The following ARHGAP27 variants were observed in gnomAD, a reference collection of about 807,000 sequenced individuals.
The protein encoded by ARHGAP27 is rho GTPase-activating protein 27.
ARHGAP27 carries 53 observed loss-of-function variants against 102.0 expected under a neutral mutation model. The observed-to-expected ratio is 0.52, with a 90% CI of 0.42 to 0.65. The LOEUF is 0.65. ARHGAP27 is among the 30% of genes least tolerant of loss of function. The pLI is 0.00. For synonymous variants in ARHGAP27, 525 were observed against 542.8 expected (o/e 0.97, Z 0.46); for missense variants, 1,117 against 1,256.2 (o/e 0.89, Z 1.68).
chr17:45,407,941 GGTTT>G (rs1411364826), intron 4 of ARHGAP27: 11 of 152,082 alleles, frequency 7.2e-5, no homozygotes, highest in African/African-American at 2.7e-4. Context: ...TGATTATAGG[GGTTT>G]GTTTTTGTTT....
chr17:45,431,228 G>T (rs946625686), intron 3 of ARHGAP27, among the ~76,000 whole-genome samples: 5 of 152,208 alleles, frequency 3.3e-5, no homozygotes, highest in African/African-American at 1.2e-4. Flanking sequence ...CCCCGCTCCC[G>T]CCCGGGCTTC....
Position 45,405,052 on chromosome 17 carries a change from C to T in ARHGAP27, c.1120G>A (p.Asp374Asn), listed in dbSNP as rs1555555739. 6.2e-7 allele frequency: 1 copy of T among 1,611,892 alleles called. No homozygotes were observed. The highest frequency in any genetic ancestry group is 1.1e-5 in the South Asian group (1 of 90,880). ...CCGAAAGAGCCCACGGGAGAATAGTCCTCCTCGGGGTAACTGGTCAGCGAC... is the reference window on the plus strand; with the variant it reads ...CCGAAAGAGCCCACGGGAGAATAGTTCTCCTCGGGGTAACTGGTCAGCGAC... ...PESLTSYPEE[D>N]YSPVGSFGEP... is the part of the protein sequence containing the mutation. Residue 374 changes from aspartate (D) to asparagine (N), a missense_variant, in exon 6 of 20, where the codon GAC (aspartate) becomes AAC (asparagine). Around this residue, in one of 3 missense-constraint regions of ARHGAP27, gnomAD observed 610 missense variants for 716.4 expected, o/e 0.85. Transcript: ENST00000685559.
chr17:45,400,941 A>G (rs1207178411), intron 12 of ARHGAP27, among the ~76,000 whole-genome samples: 1 of 151,622 alleles, frequency 6.6e-6, no homozygotes, highest in Non-Finnish European at 1.5e-5. Flanking sequence ...TCATAATCAT[A>G]ATCATAATAG....
At chr17:45,426,638 A>T (rs2145041049) in intron 4 of ARHGAP27, among the ~76,000 whole-genome samples, 1 of 149,632 alleles carries the variant, frequency 6.7e-6, no homozygotes, top group East Asian at 2.0e-4. Context: ...TTCTTCTGAG[A>T]TCCCTTCTCA....
Position 45,395,748 on chromosome 17 carries a change from A to G in ARHGAP27, c.2488T>C (p.Cys830Arg), listed in dbSNP as rs774967140. 141 of 1,595,332 alleles carry G rather than the reference A, an allele frequency of 8.8e-5. 1 individual carries two copies. The highest frequency in any genetic ancestry group is 1.2e-4 in the Non-Finnish European group (138 of 1,174,590). The stretch of plus-strand genomic sequence containing the variant: ...CGCGCGGGCCGCCCGGCTCACCGGC[A>G]GAGGTGCTGGAAGAGCATCCGCAGA... ...DTLRMLFQHL[C>R]RVIEHGEQNR... The change falls in exon 19 of 20, where the codon TGC (cysteine) becomes CGC (arginine). Residue 830 changes from cysteine (C) to arginine (R), a missense_variant. Cys to Arg is a radical substitution (Grantham distance 180). Around this residue, in one of 3 missense-constraint regions of ARHGAP27, gnomAD observed 493 missense variants for 505.5 expected, o/e 0.98. Coordinates refer to ENST00000685559, the MANE Select transcript of ARHGAP27 (RefSeq NM_001282290.2).
chr17:45,403,994 AC>A, intron 10 of ARHGAP27, 34 bp downstream of exon 10: 1 of 1,611,270 alleles, frequency 6.2e-7, no homozygotes, highest in South Asian at 1.1e-5. Context: ...ACCAAGGCCC[AC>A]CCTGCCCCGG....
Position 45,395,045 on chromosome 17 carries a change from A to T in ARHGAP27, c.*411T>A. The T allele has an allele frequency of 4.3e-6, 1 of 230,734 alleles. No homozygotes were observed. Among genetic ancestry groups the T allele is most frequent in the Non-Finnish European group, 8.6e-6 (1 of 116,258 alleles). 14.3% of individuals were successfully genotyped at this position (230,734 alleles called of 1,614,324 possible). ...CAGTGCCAGCACAGGGCCAGGGCCCACAGGGTCTCTGTGAAGGCCTCCACG... is the reference window on the plus strand; with the variant it reads ...CAGTGCCAGCACAGGGCCAGGGCCCTCAGGGTCTCTGTGAAGGCCTCCACG... On this transcript the variant is annotated 3_prime_UTR_variant, in exon 20 of 20. Coordinates refer to ENST00000685559, the MANE Select transcript of ARHGAP27 (RefSeq NM_001282290.2).
rs1258786568 is a variant in ARHGAP27, at chr17:45,429,870, G to A, written c.410C>T (p.Pro137Leu). Residue 137 changes from proline to leucine, a missense_variant, in exon 4 of 20, where the codon CCC becomes CTC. Physicochemically the swap from Pro to Leu is moderately conservative, Grantham distance 98 (BLOSUM62 -3). Coordinates refer to ENST00000685559, the MANE Select transcript of ARHGAP27 (RefSeq NM_001282290.2). Reference protein sequence around the residue: ...GAATQRSSLAPGLPACLYLRP... With the variant: ...GAATQRSSLALGLPACLYLRP... ...CAGGTACAGGCAGGCTGGCAGGCCG[G>A]GCGCCAGGCTGCTGCGCTGGGTCGC... 7.6e-7 allele frequency: 1 copy of A among 1,309,542 alleles called. No individual in the cohort carries two copies. The allele number at this position is 1,309,542 out of a possible 1,614,324, so 81.1% of individuals were successfully genotyped here.
chr17:45,405,662 G>T lies in ARHGAP27; in HGVS notation c.1065+14C>A. ...CTCAGAGGTAGAACCGCCCACTCTG[G>T]CCCTGCCCCTCACCCGCGGGTCCCC... On this transcript the variant is annotated intron_variant, in intron 5 of 19. Coordinates refer to ENST00000685559, the MANE Select transcript of ARHGAP27 (RefSeq NM_001282290.2). 6.4e-7 allele frequency: 1 copy of T among 1,574,784 alleles called. No homozygotes were observed. Among genetic ancestry groups the T allele is most frequent in the Non-Finnish European group, 8.6e-7 (1 of 1,164,510 alleles).
At chr17:45,412,729 C>A (rs1046697490) in intron 4 of ARHGAP27, among the ~76,000 whole-genome samples, 1 of 152,166 alleles carries the variant, frequency 6.6e-6, no homozygotes, top group Non-Finnish European at 1.5e-5. Context: ...CTTTAACCAT[C>A]CCGGCCTGGC....
intron 12 of ARHGAP27, among the ~76,000 whole-genome samples, chr17:45,401,389 A>T (rs1368563957): frequency 6.6e-6 from 1 of 152,232 alleles, no homozygotes; most frequent in Non-Finnish European, 1.5e-5. Flanking sequence ...ACAAGACTCC[A>T]GACCTACTCA....
At chr17:45,419,144 A>AACC (rs2048768749) in intron 4 of ARHGAP27, among the ~76,000 whole-genome samples, 22 of 152,224 alleles carry the variant, frequency 1.4e-4, no homozygotes, top group African/African-American at 5.1e-4. Context: ...GGACGCACTA[A>AACC]AGATGCCATC....
chr17:45,412,379 G>A (rs2144732254), intron 4 of ARHGAP27, among the ~76,000 whole-genome samples: 1 of 152,308 alleles, frequency 6.6e-6, no homozygotes, highest in South Asian at 2.1e-4. Context: ...CAAACCAGCT[G>A]CACAACACCC....
Position 45,404,990 on chromosome 17 carries a change from G to A in ARHGAP27, c.1182C>T (p.Pro394=), listed in dbSNP as rs772767983. ...PGPTSPLTTP[P]GWSCHVSQDK... is the part of the protein sequence containing the mutation. Reference sequence around the variant, plus strand: ...CCTGGCTGACATGACAAGACCAGCCGGGGGGTGTGGTCAAGGGAGAGGTAG... The same window carrying A: ...CCTGGCTGACATGACAAGACCAGCCAGGGGGTGTGGTCAAGGGAGAGGTAG... The change falls in exon 6 of 20, where the codon CCC becomes CCT. Residue 394 remains proline (P), a synonymous_variant. Coordinates refer to ENST00000685559, the MANE Select transcript of ARHGAP27 (RefSeq NM_001282290.2). 2.4e-5 allele frequency: 38 copies of A among 1,614,002 alleles called. No homozygotes were observed. Among genetic ancestry groups the A allele is most frequent in the Middle Eastern group, 1.6e-4 (1 of 6,062 alleles).
Position 45,429,734 on chromosome 17 carries a change from G to T in ARHGAP27, c.546C>A (p.Ser182Arg). 6.5e-7 allele frequency: 1 copy of T among 1,541,564 alleles called. No individual in the cohort carries two copies. ...GCGGGCACACCCAGGAGCCCGCCAC[G>T]CTGCAGGCCTTGAAGCTGCCGCTGC... ...LGSSGSFKAC[S>R]VAGSWVCPRP... The change falls in exon 4 of 20, where the codon AGC (serine) becomes AGA (arginine). Residue 182 changes from serine to arginine, a missense_variant. Around this residue, in one of 3 missense-constraint regions of ARHGAP27, gnomAD observed 610 missense variants for 716.4 expected, o/e 0.85. Coordinates refer to ENST00000685559, the MANE Select transcript of ARHGAP27 (RefSeq NM_001282290.2).
In ARHGAP27 at chr17:45,395,363, G is replaced by A. The variant is rs973982843; in HGVS notation, c.*93C>T. The A allele has an allele frequency of 9.2e-6, 13 of 1,413,582 alleles. No individual in the cohort carries two copies. In the African/African-American group the frequency reaches 1.9e-4, roughly 20 times the overall value. 87.6% of individuals were successfully genotyped at this position (1,413,582 alleles called of 1,614,324 possible). On this transcript the variant is annotated 3_prime_UTR_variant, in exon 20 of 20. Transcript: ENST00000685559. ...CGGCCTGCGGCTATGCGCTGGCGGA[G>A]GGTCCCAGAGAGAAGAAGGCCCGGC...
intron 4 of ARHGAP27, 155 bp downstream of exon 4, chr17:45,429,468 C>A: frequency 6.8e-7 from 1 of 1,475,104 alleles, no homozygotes; most frequent in South Asian, 1.4e-5. Context: ...CCTCACGTTT[C>A]GCGGTTGGGG....
chr17:45,404,773 G>A, intron 6 of ARHGAP27, 92 bp from the exon 7 acceptor site: 1 of 1,501,756 alleles, frequency 6.7e-7, no homozygotes, highest in Non-Finnish European at 9.1e-7. Context: ...CAGCACCAGG[G>A]AGTCTGGAGG....
intron 5 of ARHGAP27, 114 bp from the exon 6 acceptor site, chr17:45,405,220 C>A: frequency 1.1e-5 from 13 of 1,215,202 alleles, no homozygotes; most frequent in Non-Finnish European, 1.3e-5. Context: ...GCTGTGGGAG[C>A]AGGAGGCGGG....
Sources: gnomAD v4.1 joint callset for allele counts (sites outside exome capture counted in the v4.1 genomes callset) on GRCh38, gnomAD v4.1.1 for gene constraint, gnomAD v4.1.1 regional missense constraint, MANE v1.5 for transcripts, NCBI Gene and HGNC (gene_info 2026-07-23, HGNC 2026-07-21) for gene names.